The following ARHGAP26 variants were observed in gnomAD, a reference collection of about 807,000 sequenced individuals.
ARHGAP26 encodes rho GTPase-activating protein 26.
A neutral mutation model predicts 104.8 loss-of-function variants in ARHGAP26; 38 were observed. The observed-to-expected ratio is 0.36, with a 90% CI of 0.28 to 0.48. The LOEUF (loss-of-function observed/expected upper bound fraction) is 0.48, where lower values mean the gene tolerates loss of function less well. ARHGAP26 is among the 20% of genes least tolerant of loss of function. The probability of loss-of-function intolerance (pLI) is 0.99; values close to 1 mark genes in which losing one functional copy is unlikely to be tolerated. For synonymous variants in ARHGAP26, 341 were observed against 340.0 expected, an observed-to-expected ratio of 1.00 and a Z score of -0.03; for missense variants, 704 against 947.9, an observed-to-expected ratio of 0.74 and a Z score of 3.38.
rs1220912020 is a variant in ARHGAP26, at chr5:143,001,516, G to C, written c.1108-12564G>C. Among the ~76,000 whole-genome samples, 3 of 152,350 alleles carry C rather than the reference G, an allele frequency of 2.0e-5. No homozygotes were observed. The East Asian group carries it at 5.8e-4, about 29-fold the overall frequency. ...ATATGAACAACTGTAGAATGGAGGTGATGGGTATATGCATGTTTACTGTCT... is the reference window on the plus strand; with the variant it reads ...ATATGAACAACTGTAGAATGGAGGTCATGGGTATATGCATGTTTACTGTCT... On this transcript the variant is annotated intron_variant, in intron 11 of 22. Coordinates refer to ENST00000645722, the MANE Select transcript of ARHGAP26 (RefSeq NM_001135608.3).
At chr5:142,989,117 T>C (rs1428482462) in intron 11 of ARHGAP26, among the ~76,000 whole-genome samples, 2 of 152,206 alleles carry the variant, frequency 1.3e-5, no homozygotes, top group African/African-American at 4.8e-5. Flanking sequence ...TATTATTGTG[T>C]GGGAGTGTAA....
In ARHGAP26 at chr5:143,215,154, G is replaced by A. The variant is rs377538701; in HGVS notation, c.2191+1066G>A. Among the ~76,000 whole-genome samples the A allele has an allele frequency of 4.6e-5, 7 of 152,364 alleles. No homozygotes were observed. The East Asian group carries it at 5.8e-4, about 13-fold the overall frequency. ...CAGAAGACAAACCAGAATGGGCTGC[G>A]TTGCTTGGGCTTCTGCCCCCCTGCT... On this transcript the variant is annotated intron_variant, in intron 22 of 22. Coordinates refer to ENST00000645722, the MANE Select transcript of ARHGAP26 (RefSeq NM_001135608.3).
intron 5 of ARHGAP26, among the ~76,000 whole-genome samples, chr5:142,886,175 G>T (rs987494995): frequency 8.5e-5 from 13 of 152,288 alleles, no homozygotes; most frequent in African/African-American, 3.1e-4. Context: ...TCAACAGTTT[G>T]CTTGACCTCT....
chr5:142,988,252 T>G (rs1775063062), intron 11 of ARHGAP26, among the ~76,000 whole-genome samples: 1 of 152,246 alleles, frequency 6.6e-6, no homozygotes, highest in Non-Finnish European at 1.5e-5. Context: ...TATCCATTTC[T>G]TCTAGATTTT....
chr5:143,171,385 T>C (rs1802748496), intron 20 of ARHGAP26, among the ~76,000 whole-genome samples: 1 of 152,164 alleles, frequency 6.6e-6, no homozygotes, highest in African/African-American at 2.4e-5. Flanking sequence ...CCATGGTTTG[T>C]AGCCCTAGAT....
rs151165641 is a variant in ARHGAP26, at chr5:143,216,406, T to C, written c.2191+2318T>C. ...GCCTCCCATTGCTCTGAGAATTACTTACAAGGCCCTCCAGGGCCCAGTTCC... is the reference window on the plus strand; with the variant it reads ...GCCTCCCATTGCTCTGAGAATTACTCACAAGGCCCTCCAGGGCCCAGTTCC... On this transcript the variant is annotated intron_variant, in intron 22 of 22. Coordinates refer to ENST00000645722, the MANE Select transcript of ARHGAP26 (RefSeq NM_001135608.3). 2.7e-3 allele frequency: 1,170 copies of C among 430,216 alleles called. 14 individuals are homozygous for C. The highest frequency in any genetic ancestry group is 0.022 in the African/African-American group (1,069 of 49,430). The allele number at this position is 430,216 out of a possible 1,614,324, so 26.6% of individuals were successfully genotyped here.
intron 11 of ARHGAP26, among the ~76,000 whole-genome samples, chr5:142,937,899 A>G (rs1027264171): frequency 6.6e-6 from 1 of 152,164 alleles, no homozygotes; most frequent in Admixed American, 6.5e-5. Flanking sequence ...GGAAGCAACT[A>G]TAAAGGGGGT....
In ARHGAP26 at chr5:142,912,092, A is replaced by G. The variant is rs182336206; in HGVS notation, c.934-1107A>G. Among the ~76,000 whole-genome samples the G allele has an allele frequency of 2.0e-3, 302 of 152,124 alleles. 2 individuals carry two copies. Among genetic ancestry groups the G allele is most frequent in the Middle Eastern group, 3.4e-3 (1 of 294 alleles). On this transcript the variant is annotated intron_variant, in intron 9 of 22. Transcript: ENST00000645722. ...AAAAAGATTGACAGAGGCAGGAGAA[A>G]CAGAAACCCTAACAAATTCCTAAGT...
rs572893034 is a variant in ARHGAP26 at position 143,138,184 on chromosome 5, C to T, written c.1837+4079C>T. On this transcript the variant is annotated intron_variant, in intron 19 of 22. Transcript: ENST00000645722. ...TTTGTTTTGTTTTCCTTTTCCTAAA[C>T]GTAAAGCTGTGGTCTATTCTCAGAA... 1.1e-4 allele frequency among the ~76,000 whole-genome samples: 16 copies of T among 152,088 alleles called. No individual in the cohort carries two copies. The East Asian group carries it at 1.5e-3, about 15-fold the overall frequency.
chr5:142,772,911 TA>T, intron 1 of ARHGAP26: 1 of 533,346 alleles, frequency 1.9e-6, no homozygotes, highest in Non-Finnish European at 3.8e-6. Context: ...AATTCTTTGG[TA>T]GGAAGAAACA....
chr5:143,205,351 C>T (rs369584797), intron 20 of ARHGAP26, among the ~76,000 whole-genome samples: 13 of 152,220 alleles, frequency 8.5e-5, no homozygotes, highest in African/African-American at 3.1e-4. Context: ...GAGTCATACT[C>T]TTTACATTTT....
intron 17 of ARHGAP26, among the ~76,000 whole-genome samples, chr5:143,074,636 C>T (rs1056045203): frequency 2.6e-5 from 4 of 152,144 alleles, no homozygotes; most frequent in African/African-American, 7.2e-5. Flanking sequence ...TGGCAGCCTT[C>T]GAGCTAGGAT....
intron 1 of ARHGAP26, among the ~76,000 whole-genome samples, chr5:142,780,096 C>G (rs1757191026): frequency 6.6e-6 from 1 of 152,134 alleles, no homozygotes; most frequent in Non-Finnish European, 1.5e-5. Context: ...CATGTGCCAA[C>G]AAATACACAT....
chr5:142,913,585 A>G (rs1762112983), intron 10 of ARHGAP26, among the ~76,000 whole-genome samples: 1 of 152,214 alleles, frequency 6.6e-6, no homozygotes, highest in African/African-American at 2.4e-5. Flanking sequence ...TTTCATGCTC[A>G]GAAATGTGTG....
chr5:142,813,973 T>C (rs1338748015), intron 1 of ARHGAP26, among the ~76,000 whole-genome samples: 2 of 152,220 alleles, frequency 1.3e-5, no homozygotes, highest in Non-Finnish European at 2.9e-5. Flanking sequence ...GGCTTGGGTG[T>C]GGACTTGGTG....
intron 18 of ARHGAP26, among the ~76,000 whole-genome samples, chr5:143,122,629 C>T (rs897626598): frequency 6.6e-6 from 1 of 152,150 alleles, no homozygotes; most frequent in Non-Finnish European, 1.5e-5. Flanking sequence ...AGGAGGTTGG[C>T]TTTATAGACA....
At chr5:143,153,793 C>T (rs185228064) in intron 20 of ARHGAP26, among the ~76,000 whole-genome samples, 38 of 152,166 alleles carry the variant, frequency 2.5e-4, no homozygotes, top group African/African-American at 7.5e-4. Context: ...TTAACACACA[C>T]GCTCATGCAT....
chr5:142,887,353 A>C (rs770244465), intron 5 of ARHGAP26, among the ~76,000 whole-genome samples: 58 of 152,096 alleles, frequency 3.8e-4, no homozygotes, highest in Non-Finnish European at 6.9e-4. Flanking sequence ...TCTAAGCTTT[A>C]TTTCCTTTAT....
At chr5:143,190,422 A>T (rs1805771310) in intron 20 of ARHGAP26, among the ~76,000 whole-genome samples, 1 of 152,200 alleles carries the variant, frequency 6.6e-6, no homozygotes, top group Non-Finnish European at 1.5e-5. Flanking sequence ...TCAGGAACAT[A>T]AGAGGGAGGC....
Sources: gnomAD v4.1 joint callset for allele counts (sites outside exome capture counted in the v4.1 genomes callset) on GRCh38, gnomAD v4.1.1 for gene constraint, MANE v1.5 for transcripts, NCBI Gene and HGNC (gene_info 2026-07-23, HGNC 2026-07-21) for gene names.